NR5A2: variants seen among roughly 807,000 people sequenced by gnomAD.
NR5A2 encodes the protein CYP7A promoter-binding factor.
In NR5A2, 26 loss-of-function variants were observed where a neutral mutation model predicts 62.7. The observed-to-expected ratio is 0.41, with a 90% CI of 0.30 to 0.58. The LOEUF (loss-of-function observed/expected upper bound fraction) is 0.58, where lower values mean the gene tolerates loss of function less well. NR5A2 is among the 20% of genes least tolerant of loss of function. The pLI, the probability that NR5A2 is intolerant of heterozygous loss-of-function variation, is 0.22. For synonymous variants in NR5A2, 246 were observed against 241.7 expected (o/e 1.02, Z -0.16); for missense variants, 541 against 669.1 (o/e 0.81, Z 2.11).
chr1:200,067,554 C>T (rs1663546928), intron 5 of NR5A2, among the ~76,000 whole-genome samples: 1 of 151,968 alleles, frequency 6.6e-6, no homozygotes, highest in Non-Finnish European at 1.5e-5. Context: ...GAAACTCTGT[C>T]TCAAAGAAGA....
rs1294245752 is a variant in NR5A2 at position 200,174,133 on chromosome 1, C to T, written c.1549C>T (p.Leu517Phe). ...CATCAGTATGCAGGCTGAAGAATAC[C>T]TCTACTACAAGCACCTGAACGGGGA... is the stretch of plus-strand genomic sequence containing the variant. ...RAISMQAEEY[L>F]YYKHLNGDVP... The change falls in exon 8 of 8, where the codon CTC (leucine) becomes TTC (phenylalanine). Residue 517 changes from leucine (L) to phenylalanine (F), a missense_variant. By Grantham distance (22) the Leu-to-Phe change is conservative. Transcript: ENST00000367362. 6.2e-7 allele frequency: 1 copy of T among 1,613,674 alleles called. No individual in the cohort carries two copies. Among genetic ancestry groups the T allele is most frequent in the Non-Finnish European group, 8.5e-7 (1 of 1,179,910 alleles).
At chr1:200,038,740 C>T in intron 1 of NR5A2, 1 of 1,366,146 alleles carries the variant, frequency 7.3e-7, no homozygotes, top group Non-Finnish European at 9.8e-7. Flanking sequence ...TCCTTCGCCG[C>T]CACGCTCAGA....
In NR5A2 at chr1:200,087,778, G is replaced by T. The variant is rs549139201; in HGVS notation, c.1111-23424G>T. On this transcript the variant is annotated intron_variant, in intron 5 of 7. Transcript: ENST00000367362. ...ATTTTTATATATTTTTTGAGATAGA[G>T]TCTTGCTCTGTCTCCCAGGCTGGAG... 3.3e-5 allele frequency among the ~76,000 whole-genome samples: 5 copies of T among 150,764 alleles called. No individual in the cohort carries two copies. In the East Asian group the frequency reaches 9.8e-4, roughly 30 times the overall value.
intron 1 of NR5A2, chr1:200,038,750 A>G (rs370342779): frequency 7.3e-7 from 1 of 1,365,288 alleles, no homozygotes; most frequent in Non-Finnish European, 9.8e-7. Flanking sequence ...CCACGCTCAG[A>G]CAGAGGTCGC....
intron 1 of NR5A2, chr1:200,038,705 A>G (rs762852325): frequency 7.3e-7 from 1 of 1,365,886 alleles, no homozygotes; most frequent in Non-Finnish European, 9.8e-7. Flanking sequence ...CCTCAGATCG[A>G]GGAAATTGCC....
intron 7 of NR5A2, among the ~76,000 whole-genome samples, chr1:200,139,994 CCAAA>C (rs1396984890): frequency 6.6e-6 from 1 of 152,102 alleles, no homozygotes; most frequent in Non-Finnish European, 1.5e-5. Flanking sequence ...TTTAAAATTT[CCAAA>C]CAAATGGAGG....
At chr1:200,097,794 G>T (rs1001821609) in intron 5 of NR5A2, among the ~76,000 whole-genome samples, 1 of 152,124 alleles carries the variant, frequency 6.6e-6, no homozygotes, top group Non-Finnish European at 1.5e-5. Flanking sequence ...AATGGGAAAG[G>T]CAGTATAGTA....
intron 7 of NR5A2, among the ~76,000 whole-genome samples, chr1:200,124,930 T>G (rs1397439596): frequency 6.6e-6 from 1 of 152,092 alleles, no homozygotes; most frequent in Non-Finnish European, 1.5e-5. Context: ...AATAAACAAA[T>G]AGTTTGAAAC....
At chr1:200,108,467 A>G (rs1360054022) in intron 5 of NR5A2, among the ~76,000 whole-genome samples, 1 of 152,062 alleles carries the variant, frequency 6.6e-6, no homozygotes, top group Non-Finnish European at 1.5e-5. Flanking sequence ...CACCTGCAAA[A>G]TGGGAATAAT....
At chr1:200,047,874 C>T (rs76659238) in intron 4 of NR5A2, among the ~76,000 whole-genome samples, 4,770 of 152,160 alleles carry the variant, frequency 0.031, 108 homozygotes, top group Non-Finnish European at 0.047. Flanking sequence ...CACCGCACCA[C>T]GCCTATGTGA....
rs1409633429 is a variant in NR5A2, at chr1:200,177,162, C to T, written c.*2952C>T. The stretch of plus-strand genomic sequence containing the variant: ...TCAAATATAAAGGTTTTTGGCTTAA[C>T]TTGGTTTATTATAGTTGCTCTATGT... On this transcript the variant is annotated 3_prime_UTR_variant, in exon 8 of 8. Coordinates refer to ENST00000367362, the MANE Select transcript of NR5A2 (RefSeq NM_205860.3). The T allele has an allele frequency of 1.3e-5, 2 of 152,602 alleles. No homozygotes were observed. Among genetic ancestry groups the T allele is most frequent in the Non-Finnish European group, 2.9e-5 (2 of 68,030 alleles). The allele number at this position is 152,602 out of a possible 1,614,324, so 9.5% of individuals were successfully genotyped here.
At chr1:200,172,333 AG>A (rs1214033140) in intron 7 of NR5A2, among the ~76,000 whole-genome samples, 1 of 152,228 alleles carries the variant, frequency 6.6e-6, no homozygotes, top group Non-Finnish European at 1.5e-5. Flanking sequence ...TAAATAAGAC[AG>A]GTGGAATATG....
intron 5 of NR5A2, among the ~76,000 whole-genome samples, chr1:200,058,710 C>T (rs1663043598): frequency 6.7e-6 from 1 of 150,304 alleles, no homozygotes; most frequent in African/African-American, 2.4e-5. Context: ...AACTCTTGAC[C>T]TCAGGTGATC....
chr1:200,089,207 G>A (rs1664694461), intron 5 of NR5A2, among the ~76,000 whole-genome samples: 1 of 152,074 alleles, frequency 6.6e-6, no homozygotes, highest in Admixed American at 6.6e-5. Flanking sequence ...TTTGGGTTTT[G>A]TTTTGTTTTG....
rs183007443 is a variant in NR5A2, at chr1:200,079,734, C to T, written c.1110+30916C>T. ...TTTTGCATGCCTTTAGGAATGGGAC[C>T]GGTGCAAGCCCACTGGCAGGCTGTT... is the stretch of plus-strand genomic sequence containing the variant. On this transcript the variant is annotated intron_variant, in intron 5 of 7. Coordinates refer to ENST00000367362, the MANE Select transcript of NR5A2 (RefSeq NM_205860.3). 1.8e-3 allele frequency among the ~76,000 whole-genome samples: 268 copies of T among 152,224 alleles called. 2 individuals carry two copies. The highest frequency in any genetic ancestry group is 0.017 in the Middle Eastern group (5 of 294).
intron 1 of NR5A2, among the ~76,000 whole-genome samples, chr1:200,036,979 C>T (rs530854080): frequency 1.3e-5 from 2 of 152,284 alleles, no homozygotes; most frequent in South Asian, 4.2e-4. Flanking sequence ...CTCCCGCACC[C>T]CTCCCATTTT....
At chr1:200,031,776 C>T (rs1661561440) in intron 1 of NR5A2, among the ~76,000 whole-genome samples, 1 of 151,878 alleles carries the variant, frequency 6.6e-6, no homozygotes, top group South Asian at 2.1e-4. Context: ...AATGGGGTTT[C>T]ACCATGTTAG....
At chr1:200,029,069 A>C in intron 1 of NR5A2, 1 of 448,614 alleles carries the variant, frequency 2.2e-6, no homozygotes, top group Non-Finnish European at 4.5e-6. Context: ...AAGATGAGAG[A>C]GCAGCACACA....
At chr1:200,156,064 C>T (rs546236522) in intron 7 of NR5A2, among the ~76,000 whole-genome samples, 12 of 152,298 alleles carry the variant, frequency 7.9e-5, no homozygotes, top group Admixed American at 1.3e-4. Context: ...TATGAGTGGT[C>T]GTGGGCTGCC....
Sources: allele counts gnomAD v4.1 joint callset (sites outside exome capture counted in the v4.1 genomes callset), GRCh38; gene constraint gnomAD v4.1.1; transcripts MANE v1.5; gene names NCBI Gene and HGNC (gene_info 2026-07-23, HGNC 2026-07-21).